MCPH1: variants seen among roughly 807,000 people sequenced by gnomAD.
MCPH1 encodes microcephalin 1, also known as microcephalin.
Under a neutral mutation model 84.5 loss-of-function variants are expected in MCPH1, and 104 were observed. The ratio of observed to expected loss-of-function variants is 1.23; its 90% CI spans 1.05 to 1.45. The LOEUF (loss-of-function observed/expected upper bound fraction) is 1.45, where lower values mean the gene tolerates loss of function less well. Among genes scored for constraint, MCPH1 ranks in the 40% most tolerant of loss-of-function variants. The probability of loss-of-function intolerance (pLI) is 0.00; values close to 1 mark genes in which losing one functional copy is unlikely to be tolerated. For synonymous variants in MCPH1, 514 were observed against 366.8 expected (o/e 1.40, Z -4.58); for missense variants, 1,498 against 1,005.7 (o/e 1.49, Z -6.62).
intron 12 of MCPH1, among the ~76,000 whole-genome samples, chr8:6,564,281 A>G (rs370276942): frequency 1.6e-4 from 25 of 152,204 alleles, no homozygotes; most frequent in African/African-American, 4.3e-4. Context: ...CTGGCCCACA[A>G]ACTTCTTTAT....
At chr8:6,490,674 T>C (rs572696974) in intron 11 of MCPH1, among the ~76,000 whole-genome samples, 22 of 152,332 alleles carry the variant, frequency 1.4e-4, no homozygotes, top group Non-Finnish European at 1.0e-4. Flanking sequence ...CTCCTAAAAT[T>C]AATTTCCAAT....
chr8:6,618,103 T>C (rs1264414894), intron 12 of MCPH1, among the ~76,000 whole-genome samples: 6 of 152,300 alleles, frequency 3.9e-5, no homozygotes, highest in Non-Finnish European at 1.5e-5. Context: ...TTGCTGTAAA[T>C]TGCGATTACC....
At chr8:6,428,127 A>G (rs917315047) in intron 3 of MCPH1, among the ~76,000 whole-genome samples, 3 of 152,038 alleles carry the variant, frequency 2.0e-5, no homozygotes, top group South Asian at 2.1e-4. Context: ...GCTTTTTTAC[A>G]TGATAAACTT....
chr8:6,571,443 TC>T (rs1369098796), intron 12 of MCPH1, among the ~76,000 whole-genome samples: 1 of 152,146 alleles, frequency 6.6e-6, no homozygotes, highest in Non-Finnish European at 1.5e-5. Context: ...GATCTCAAAC[TC>T]CGTTGCTTCT....
chr8:6,461,516 A>G (rs1413623322), intron 9 of MCPH1, among the ~76,000 whole-genome samples: 1 of 127,298 alleles, frequency 7.9e-6, no homozygotes, highest in African/African-American at 3.5e-5. Context: ...TTTTTTTTTT[A>G]ATTAGTAGAG....
intron 7 of MCPH1, among the ~76,000 whole-genome samples, chr8:6,443,284 C>T (rs567991237): frequency 2.6e-5 from 4 of 152,126 alleles, no homozygotes; most frequent in African/African-American, 7.2e-5. Flanking sequence ...CATTGCTTAT[C>T]GGGTTTTTGA....
chr8:6,410,520 A>T (rs932725615), intron 2 of MCPH1, among the ~76,000 whole-genome samples: 1 of 152,220 alleles, frequency 6.6e-6, no homozygotes, highest in Non-Finnish European at 1.5e-5. Context: ...CATCTCTGTT[A>T]TCAGATTTAC....
rs1358629487 is a variant in MCPH1 at position 6,642,622 on chromosome 8, G to A, written c.2453-372G>A. ...TGTATTTACTTATACTCTGCCTTAT[G>A]CCAAGAGTACTGGAAGTGGTGAGCT... On this transcript the variant is annotated intron_variant, in intron 13 of 13. Transcript: ENST00000344683. 8.1e-6 allele frequency: 3 copies of A among 372,282 alleles called. No homozygotes were observed. The East Asian group carries it at 1.9e-4, about 24-fold the overall frequency. 23.1% of individuals were successfully genotyped at this position (372,282 alleles called of 1,614,324 possible).
Position 6,621,456 on chromosome 8 carries a change from G to A in MCPH1, c.2217G>A (p.Leu739=). The change falls in exon 13 of 14, where the codon CTG becomes CTA. Residue 739 remains leucine, a splice_region_variant and synonymous_variant. Coordinates refer to ENST00000344683, the MANE Select transcript of MCPH1 (RefSeq NM_024596.5). ...TTCTATCTCTGTCTGCCCCACAGCT[G>A]TGCCGAAGCGAGTGCCACTTGTCTG... ...ELSHHFPAAP[L]CRSECHLSAG... is the part of the protein sequence containing the mutation. 1.9e-6 allele frequency: 3 copies of A among 1,613,954 alleles called. No individual in the cohort carries two copies. Among genetic ancestry groups the A allele is most frequent in the Non-Finnish European group, 2.5e-6 (3 of 1,179,970 alleles).
At chr8:6,535,632 T>C (rs1009953784) in intron 12 of MCPH1, among the ~76,000 whole-genome samples, 14 of 152,254 alleles carry the variant, frequency 9.2e-5, no homozygotes, top group African/African-American at 3.4e-4. Flanking sequence ...TTGAAGCATG[T>C]ATCATTTAAA....
At chr8:6,507,393 A>G (rs1412793169) in intron 12 of MCPH1, among the ~76,000 whole-genome samples, 1 of 152,104 alleles carries the variant, frequency 6.6e-6, no homozygotes, top group Non-Finnish European at 1.5e-5. Context: ...GTTATTCTTT[A>G]CATTCATTTT....
intron 12 of MCPH1, among the ~76,000 whole-genome samples, chr8:6,589,561 G>A (rs1472050748): frequency 6.6e-6 from 1 of 152,214 alleles, no homozygotes; most frequent in Non-Finnish European, 1.5e-5. Context: ...AGGAAGACAA[G>A]GCAGTGGGGA....
chr8:6,524,978 C>G lies in MCPH1; in HGVS notation c.2214+25049C>G, dbSNP rs3020224. Among the ~76,000 whole-genome samples, 1,369 of 152,348 alleles carry G rather than the reference C, an allele frequency of 9.0e-3. 24 individuals are homozygous for G. Among genetic ancestry groups the G allele is most frequent in the African/African-American group, 0.031 (1,273 of 41,586 alleles). ...CCTGCTGTGGACCTCAGGTGCATGTCTGTCTAGGTGAATATCTATCTAAAT... is the reference window on the plus strand; with the variant it reads ...CCTGCTGTGGACCTCAGGTGCATGTGTGTCTAGGTGAATATCTATCTAAAT... On this transcript the variant is annotated intron_variant, in intron 12 of 13. Transcript: ENST00000344683.
At chr8:6,424,123 G>T (rs147535960) in intron 3 of MCPH1, among the ~76,000 whole-genome samples, 2 of 151,990 alleles carry the variant, frequency 1.3e-5, no homozygotes, top group African/African-American at 4.8e-5. Context: ...GTTCCTTCTG[G>T]GAGTGTTCAT....
chr8:6,621,717 G>A lies in MCPH1; in HGVS notation c.2452+26G>A, dbSNP rs374073048. On this transcript the variant is annotated intron_variant, in intron 13 of 13. Transcript: ENST00000344683. ...GTAAGAATCCAGGCACACAGACGCT[G>A]TGGTGTGGTCCAGATCTGTGGACAG... 3.1e-6 allele frequency: 5 copies of A among 1,613,874 alleles called. No homozygotes were observed. The African/African-American group carries it at 4.0e-5, about 13-fold the overall frequency.
chr8:6,635,878 G>C (rs1797511971), intron 13 of MCPH1, among the ~76,000 whole-genome samples: 1 of 152,222 alleles, frequency 6.6e-6, no homozygotes, highest in Admixed American at 6.5e-5. Context: ...GTTTGTTGTT[G>C]CTGCTGTTGT....
chr8:6,540,034 G>T (rs1242987354), intron 12 of MCPH1, among the ~76,000 whole-genome samples: 1 of 152,264 alleles, frequency 6.6e-6, no homozygotes, highest in East Asian at 1.9e-4. Context: ...GGCCTCAGCT[G>T]GTGGCATTCT....
chr8:6,481,279 G>A (rs915333330), intron 11 of MCPH1, among the ~76,000 whole-genome samples: 6 of 152,234 alleles, frequency 3.9e-5, no homozygotes, highest in African/African-American at 1.4e-4. Context: ...TGTTTGTACA[G>A]ATGGATTTAC....
intron 8 of MCPH1, chr8:6,446,243 G>A: frequency 1.0e-6 from 1 of 968,970 alleles, no homozygotes; most frequent in Non-Finnish European, 1.2e-6. Flanking sequence ...GCACTTCACA[G>A]TTATAAGCAC....
Sources: allele counts gnomAD v4.1 joint callset (sites outside exome capture counted in the v4.1 genomes callset), GRCh38; gene constraint gnomAD v4.1.1; transcripts MANE v1.5; gene names NCBI Gene and HGNC (gene_info 2026-07-23, HGNC 2026-07-21).